Variants in FRAS1 observed in about 807,000 individuals in gnomAD.
FRAS1 encodes Fraser extracellular matrix complex subunit 1.
In FRAS1, 290 loss-of-function variants were observed where a neutral mutation model predicts 435.2. The ratio of observed to expected loss-of-function variants is 0.67; its 90% CI spans 0.61 to 0.73. The LOEUF is 0.73. Ranked by LOEUF, FRAS1 falls within the 30% of genes least tolerant of loss-of-function variation. The pLI is 0.00. For synonymous variants in FRAS1, 1,800 were observed against 1,851.0 expected, an observed-to-expected ratio of 0.97 and a Z score of 0.71; for missense variants, 4,860 against 5,001.5, an observed-to-expected ratio of 0.97 and a Z score of 0.85.
intron 66 of FRAS1, among the ~76,000 whole-genome samples, chr4:78,518,746 G>A (rs368789108): frequency 9.2e-5 from 14 of 152,226 alleles, no homozygotes; most frequent in Non-Finnish European, 1.3e-4. Context: ...ACTGAAGTAC[G>A]TGCAGCTCTG....
intron 57 of FRAS1, 75 bp from the exon 58 acceptor site, chr4:78,482,313 A>G: frequency 9.1e-6 from 14 of 1,535,220 alleles, no homozygotes; most frequent in Non-Finnish European, 1.3e-5. Context: ...GCAAGTTGTG[A>G]CCTTTGCCCT....
rs1476298288 is a variant in FRAS1 at position 78,169,427 on chromosome 4, G to A, written c.109-68083G>A. Reference sequence around the variant, plus strand: ...TCGACTCTGCCGCTTACCTGGTGTCGCCTTTGTCAAGTTGCTTAACCTCTC... The same window carrying A: ...TCGACTCTGCCGCTTACCTGGTGTCACCTTTGTCAAGTTGCTTAACCTCTC... On this transcript the variant is annotated intron_variant, in intron 2 of 73. Transcript: ENST00000512123. Among the ~76,000 whole-genome samples, 6 of 152,090 alleles carry A rather than the reference G, an allele frequency of 3.9e-5. No homozygotes were observed. The East Asian group carries it at 1.2e-3, about 29-fold the overall frequency.
intron 26 of FRAS1, among the ~76,000 whole-genome samples, chr4:78,377,358 C>T (rs1282868371): frequency 1.3e-5 from 2 of 152,150 alleles, no homozygotes; most frequent in Non-Finnish European, 2.9e-5. Flanking sequence ...GCTTACTTCT[C>T]TCTGGGATAT....
chr4:78,372,959 T>A, intron 24 of FRAS1, 101 bp downstream of exon 24: 2 of 1,309,712 alleles, frequency 1.5e-6, no homozygotes, highest in Non-Finnish European at 2.1e-6. Flanking sequence ...CCCTTCTGGC[T>A]TTTTACCCCA....
intron 46 of FRAS1, 80 bp from the exon 47 acceptor site, chr4:78,452,094 TA>T: frequency 6.8e-7 from 1 of 1,467,698 alleles, no homozygotes. Flanking sequence ...ACTCTGACCT[TA>T]CTTCTTGGCA....
chr4:78,371,514 T>G (rs1436181179), intron 23 of FRAS1, among the ~76,000 whole-genome samples: 3 of 152,224 alleles, frequency 2.0e-5, no homozygotes, highest in African/African-American at 7.2e-5. Context: ...TTTAAATTCA[T>G]TATTTCATTT....
chr4:78,251,433 G>A (rs55812431), intron 4 of FRAS1, among the ~76,000 whole-genome samples: 5 of 152,316 alleles, frequency 3.3e-5, no homozygotes, highest in South Asian at 2.1e-4. Context: ...TGTACAACAC[G>A]GTTGGATATG....
chr4:78,493,058 C>G (rs1198947922), intron 59 of FRAS1, among the ~76,000 whole-genome samples: 1 of 152,102 alleles, frequency 6.6e-6, no homozygotes, highest in Non-Finnish European at 1.5e-5. Flanking sequence ...AAGAAAAGCT[C>G]ATCATCACTG....
At chr4:78,513,634 C>T in intron 65 of FRAS1, 82 bp downstream of exon 65, 2 of 1,274,498 alleles carry the variant, frequency 1.6e-6, no homozygotes, top group Non-Finnish European at 2.2e-6. Context: ...GTGAGAACTG[C>T]TTTTCATGTT....
Position 78,400,774 on chromosome 4 carries a change from G to C in FRAS1, c.4016G>C (p.Trp1339Ser). The C allele has an allele frequency of 2.5e-6, 4 of 1,613,454 alleles. No individual in the cohort carries two copies. Among genetic ancestry groups the C allele is most frequent in the Non-Finnish European group, 3.4e-6 (4 of 1,179,674 alleles). Residue 1339 changes from tryptophan (W) to serine (S), a missense_variant, in exon 30 of 74, where the codon TGG becomes TCG. Coordinates refer to ENST00000512123, the MANE Select transcript of FRAS1 (RefSeq NM_025074.7). Reference protein sequence around the residue: ...GLQLVANSMVWVPEGGMLQIT... With the variant: ...GLQLVANSMVSVPEGGMLQIT... ...CAGCTTGTGGCTAATTCGATGGTGT[G>C]GGTTCCAGAAGGGGGGATGCTGCAG...
At chr4:78,409,400 C>T (rs1733247044) in intron 31 of FRAS1, among the ~76,000 whole-genome samples, 2 of 151,948 alleles carry the variant, frequency 1.3e-5, no homozygotes, top group Non-Finnish European at 2.9e-5. Context: ...AATTGATGGC[C>T]TTAAGCTCTT....
intron 2 of FRAS1, among the ~76,000 whole-genome samples, chr4:78,084,807 T>A (rs1462440251): frequency 2.0e-5 from 3 of 152,130 alleles, no homozygotes; most frequent in African/African-American, 4.8e-5. Flanking sequence ...TTATTGTTAC[T>A]GGATTGGTCA....
intron 29 of FRAS1, among the ~76,000 whole-genome samples, chr4:78,393,715 A>G (rs1732541712): frequency 6.6e-6 from 1 of 152,098 alleles, no homozygotes; most frequent in African/African-American, 2.4e-5. Context: ...TAATACTACA[A>G]TGAACGTGGA....
chr4:78,304,258 C>T (rs1476374682), intron 14 of FRAS1, among the ~76,000 whole-genome samples: 1 of 152,030 alleles, frequency 6.6e-6, no homozygotes, highest in Middle Eastern at 3.2e-3. Flanking sequence ...TTTGGTTTGC[C>T]AGTATTTTAT....
intron 2 of FRAS1, among the ~76,000 whole-genome samples, chr4:78,066,930 T>A (rs1424583816): frequency 6.6e-6 from 1 of 152,222 alleles, no homozygotes; most frequent in Non-Finnish European, 1.5e-5. Context: ...TAGTTACTGC[T>A]GGAGAAGTTT....
chr4:78,298,535 A>G (rs1477885400), intron 14 of FRAS1, among the ~76,000 whole-genome samples: 2 of 152,126 alleles, frequency 1.3e-5, no homozygotes, highest in Non-Finnish European at 2.9e-5. Flanking sequence ...TAATATATAA[A>G]AAAACAGCAG....
Position 78,317,365 on chromosome 4 carries a change from C to T in FRAS1, c.1820-3C>T, listed in dbSNP as rs749360256. ...GCGTTCTCCCTCTCACTCTCTTCCT[C>T]AGTTTGTCATAACTCATGTGCCAGC... On this transcript the variant is annotated splice_region_variant and splice_polypyrimidine_tract_variant and intron_variant, in intron 16 of 73. Transcript: ENST00000512123. 1 of 1,613,802 alleles carries T rather than the reference C, an allele frequency of 6.2e-7. No homozygotes were observed. The highest frequency in any genetic ancestry group is 8.5e-7 in the Non-Finnish European group (1 of 1,179,800).
intron 25 of FRAS1, among the ~76,000 whole-genome samples, chr4:78,375,175 A>G (rs1330915165): frequency 6.6e-6 from 1 of 152,222 alleles, no homozygotes; most frequent in East Asian, 1.9e-4. Context: ...GCTCCCCTCC[A>G]GTATTTAAAA....
chr4:78,109,240 C>T (rs1275658400), intron 2 of FRAS1, among the ~76,000 whole-genome samples: 2 of 79,644 alleles, frequency 2.5e-5, no homozygotes. Context: ...TCCTCCCTAA[C>T]TCATTTTATG....
Sources: gnomAD v4.1 joint callset for allele counts (sites outside exome capture counted in the v4.1 genomes callset) on GRCh38, gnomAD v4.1.1 for gene constraint, MANE v1.5 for transcripts, NCBI Gene and HGNC (gene_info 2026-07-23, HGNC 2026-07-21) for gene names.